The following ATG7 variants were observed in gnomAD, a reference collection of about 807,000 sequenced individuals.
ATG7 encodes autophagy related 7.
A neutral mutation model predicts 82.4 loss-of-function variants in ATG7; 70 were observed. The ratio of observed to expected loss-of-function variants is 0.85; its 90% CI spans 0.70 to 1.04. The LOEUF is 1.04. ATG7 is among the 50% of genes least tolerant of loss of function. The probability of loss-of-function intolerance (pLI) is 0.00; values close to 1 mark genes in which losing one functional copy is unlikely to be tolerated. For missense variants in ATG7, 792 were observed against 864.3 expected (o/e 0.92, Z 1.05); for synonymous variants, 287 against 313.0 (o/e 0.92, Z 0.88).
chr3:11,421,130 A>T (rs2081909539), intron 19 of ATG7, among the ~76,000 whole-genome samples: 1 of 151,962 alleles, frequency 6.6e-6, no homozygotes, highest in African/African-American at 2.4e-5. Context: ...TTGCTGGTGG[A>T]GGTTCTTGCA....
At chr3:11,377,376 G>A (rs947617385) in intron 18 of ATG7, among the ~76,000 whole-genome samples, 4 of 152,176 alleles carry the variant, frequency 2.6e-5, no homozygotes, top group Non-Finnish European at 5.9e-5. Context: ...GAACGGTGGT[G>A]TGTGGACCCT....
At chr3:11,364,831 C>A in intron 18 of ATG7, 97 bp downstream of exon 18, 2 of 1,286,550 alleles carry the variant, frequency 1.6e-6, no homozygotes, top group Non-Finnish European at 2.2e-6. Flanking sequence ...ACTTCATATC[C>A]ACCCTACTTA....
intron 11 of ATG7, among the ~76,000 whole-genome samples, chr3:11,336,542 T>C (rs1331400327): frequency 6.6e-6 from 1 of 152,226 alleles, no homozygotes; most frequent in Non-Finnish European, 1.5e-5. Flanking sequence ...TAAATACAAC[T>C]TCATAAAGAA....
At chr3:11,372,851 C>CGTGCGTGT (rs2077125424) in intron 18 of ATG7, among the ~76,000 whole-genome samples, 1 of 83,250 alleles carries the variant, frequency 1.2e-5, no homozygotes, top group South Asian at 3.4e-4. Context: ...CGTGCGTGTG[C>CGTGCGTGT]GTGTGTGTGT....
chr3:11,414,093 G>A (rs1324333521), intron 19 of ATG7, among the ~76,000 whole-genome samples: 2 of 152,076 alleles, frequency 1.3e-5, no homozygotes, highest in African/African-American at 4.8e-5. Context: ...TTTTTGACAT[G>A]GAGTCTTGCT....
intron 20 of ATG7, among the ~76,000 whole-genome samples, chr3:11,497,357 CTATATATATA>C (rs58838386): frequency 0.024 from 1,400 of 57,316 alleles, 61 homozygotes; most frequent in African/African-American, 0.051. Context: ...ACTAAAAATA[CTATATATATA>C]TATATATATA....
intron 20 of ATG7, among the ~76,000 whole-genome samples, chr3:11,480,955 G>C (rs986079123): frequency 2.0e-5 from 3 of 152,218 alleles, no homozygotes; most frequent in African/African-American, 7.2e-5. Flanking sequence ...ATCAGAGTTG[G>C]TGCCAGGAGT....
At chr3:11,521,803 C>T (rs2092450681) in intron 20 of ATG7, among the ~76,000 whole-genome samples, 1 of 152,032 alleles carries the variant, frequency 6.6e-6, no homozygotes, top group African/African-American at 2.4e-5. Flanking sequence ...CCGCCTGCCT[C>T]AGCTTCCCAA....
At chr3:11,414,631 GC>G (rs555560041) in intron 19 of ATG7, among the ~76,000 whole-genome samples, 140 of 152,132 alleles carry the variant, frequency 9.2e-4, no homozygotes, top group African/African-American at 3.3e-3. Flanking sequence ...CTGTTTTCTT[GC>G]CTTCTTGCCT....
Position 11,423,813 on chromosome 3 carries a change from C to G in ATG7, c.1957-2991C>G, listed in dbSNP as rs548644474. Among the ~76,000 whole-genome samples the G allele has an allele frequency of 5.9e-5, 9 of 152,264 alleles. No homozygotes were observed. In the South Asian group the frequency reaches 1.9e-3, roughly 32 times the overall value. ...CAGTCCCTTCAGTGGTGCTCACCAGCCCCTCAGTTTCTCTGACCTTAACCT... is the reference window on the plus strand; with the variant it reads ...CAGTCCCTTCAGTGGTGCTCACCAGGCCCTCAGTTTCTCTGACCTTAACCT... On this transcript the variant is annotated intron_variant, in intron 19 of 20. Coordinates refer to ENST00000693202, the MANE Select transcript of ATG7 (RefSeq NM_001349232.2).
chr3:11,342,050 T>C, intron 12 of ATG7, 85 bp from the exon 13 acceptor site: 3 of 1,410,162 alleles, frequency 2.1e-6, no homozygotes, highest in Admixed American at 2.5e-5. Flanking sequence ...TTATTTCTTA[T>C]TTTCTTGCAT....
At chr3:11,572,343 T>C in the ATG7 span, among the ~76,000 whole-genome samples, 2 of 152,160 alleles carry the variant, frequency 1.3e-5, no homozygotes, top group Admixed American at 6.5e-5. Context: ...CCAATATATA[T>C]TGGACTGGCT....
intron 19 of ATG7, among the ~76,000 whole-genome samples, chr3:11,386,130 C>T (rs1559514360): frequency 6.6e-6 from 1 of 152,146 alleles, no homozygotes; most frequent in Non-Finnish European, 1.5e-5. Context: ...GCTGGACTGC[C>T]AAGTGACCAC....
At chr3:11,314,603 AAAAC>A (rs1444823139) in intron 8 of ATG7, among the ~76,000 whole-genome samples, 2 of 152,156 alleles carry the variant, frequency 1.3e-5, no homozygotes, top group Non-Finnish European at 2.9e-5. Context: ...ACATACTAAA[AAAAC>A]AAACAGCACA....
In ATG7 at chr3:11,422,740, C is replaced by CTTTTTTTTTTTTTTTT. The variant is rs557755646; in HGVS notation, c.1957-4050_1957-4035dup. Among the ~76,000 whole-genome samples the CTTTTTTTTTTTTTTTT allele has an allele frequency of 3.4e-4, 17 of 49,556 alleles. 6 individuals carry two copies. The highest frequency in any genetic ancestry group is 1.3e-3 in the African/African-American group (13 of 9,874). The allele number at this position is 49,556 out of a possible 152,430, so 32.5% of individuals were successfully genotyped here. On this transcript the variant is annotated intron_variant, in intron 19 of 20. Transcript: ENST00000693202. ...CCTCACTATGCTTAATCATTTCTAGCTTTTTTTTTTTTTTTTTTTTTTTTT... is the reference window on the plus strand; with the variant it reads ...CCTCACTATGCTTAATCATTTCTAGCTTTTTTTTTTTTTTTTTTTTTTTTTTTTTTTTTTTTTTTTT...
At chr3:11,299,493 T>C in intron 5 of ATG7, 77 bp downstream of exon 5, 1 of 1,449,434 alleles carries the variant, frequency 6.9e-7, no homozygotes, top group Non-Finnish European at 9.6e-7. Context: ...GCCTCCCTCA[T>C]AGGTGGACCA....
At chr3:11,552,414 G>GC (rs1488189671) in intron 20 of ATG7, among the ~76,000 whole-genome samples, 2 of 152,116 alleles carry the variant, frequency 1.3e-5, no homozygotes, top group African/African-American at 4.8e-5. Flanking sequence ...CATTCACTGT[G>GC]CCCCTTCTCC....
Position 11,417,370 on chromosome 3 carries a change from C to T in ATG7, c.1957-9434C>T, listed in dbSNP as rs949358361. ...TTGATGCACTGTTGTTAAGTACATA[C>T]GCATTAAGAACTGTGTCTTACTGGA... On this transcript the variant is annotated intron_variant, in intron 19 of 20. Coordinates refer to ENST00000693202, the MANE Select transcript of ATG7 (RefSeq NM_001349232.2). Among the ~76,000 whole-genome samples the T allele has an allele frequency of 4.6e-5, 7 of 152,268 alleles. No individual in the cohort carries two copies. The Middle Eastern group carries it at 0.01, about 222-fold the overall frequency.
intron 20 of ATG7, among the ~76,000 whole-genome samples, chr3:11,543,564 G>A (rs545812261): frequency 9.0e-4 from 137 of 152,332 alleles, no homozygotes; most frequent in South Asian, 6.0e-3. Context: ...TGGGAAGGCA[G>A]GCGGGTGTCT....
Sources: allele counts gnomAD v4.1 joint callset (sites outside exome capture counted in the v4.1 genomes callset), GRCh38; gene constraint gnomAD v4.1.1; transcripts MANE v1.5; gene names NCBI Gene and HGNC (gene_info 2026-07-23, HGNC 2026-07-21).